The following CASP9 variants were observed in gnomAD, a reference collection of about 807,000 sequenced individuals.
CASP9 encodes caspase-9.
A neutral mutation model predicts 43.5 loss-of-function variants in CASP9; 29 were observed. That is an observed-to-expected ratio of 0.67 (90% CI 0.50 to 0.91). The LOEUF (loss-of-function observed/expected upper bound fraction) is 0.91. CASP9 is among the 40% of genes least tolerant of loss of function. The pLI is 0.00. For synonymous variants in CASP9, 206 were observed against 211.9 expected, an observed-to-expected ratio of 0.97 and a Z score of 0.24; for missense variants, 575 against 537.4, an observed-to-expected ratio of 1.07 and a Z score of -0.69.
At chr1:15,524,519 G>A, upstream of CASP9, 1 of 352,650 alleles carries the variant, frequency 2.8e-6, no homozygotes, top group Non-Finnish European at 3.7e-6. Context: ...CCACGTCACC[G>A]CCCCGCTCCA....
At position 15,506,955 on chromosome 1, in the gene CASP9, G is replaced by C. The variant is rs2308939; in HGVS notation, c.574C>G (p.Arg192Gly). The stretch of plus-strand genomic sequence containing the variant: ...ATGAAATGCAGCGAGGAGAAGCGAC[G>C]CCGCAACTTCTCACAGTCGATGTTG... Reference protein sequence around the residue: ...GSNIDCEKLRRRFSSLHFMVE... With the variant: ...GSNIDCEKLRGRFSSLHFMVE... Residue 192 changes from arginine to glycine, a missense_variant, in exon 4 of 9, where the codon CGT becomes GGT. Transcript: ENST00000333868. 27 of 1,613,994 alleles carry C rather than the reference G, an allele frequency of 1.7e-5. No homozygotes were observed. Among genetic ancestry groups the C allele is most frequent in the Non-Finnish European group, 2.3e-5 (27 of 1,180,018 alleles).
chr1:15,507,259 A>C, intron 3 of CASP9, 184 bp from the exon 4 acceptor site: 1 of 609,814 alleles, frequency 1.6e-6, no homozygotes, highest in Non-Finnish European at 2.9e-6. Flanking sequence ...TGACCCCCCC[A>C]TCTTGGTATT....
At chr1:15,497,935 G>A (rs958574013) in intron 6 of CASP9, among the ~76,000 whole-genome samples, 2 of 152,178 alleles carry the variant, frequency 1.3e-5, no homozygotes, top group Non-Finnish European at 2.9e-5. Context: ...TATGGTACTG[G>A]CATAAAGACA....
At chr1:15,520,266 C>G (rs1234680843) in intron 1 of CASP9, among the ~76,000 whole-genome samples, 27 of 152,140 alleles carry the variant, frequency 1.8e-4, no homozygotes, top group Admixed American at 1.8e-3. Context: ...TTGGGTAGTA[C>G]AACTGAGGAA....
chr1:15,505,463 G>A (rs1459589619), intron 5 of CASP9, among the ~76,000 whole-genome samples: 1 of 152,142 alleles, frequency 6.6e-6, no homozygotes, highest in African/African-American at 2.4e-5. Flanking sequence ...TCAAAACACC[G>A]TGCAGACCAC....
At chr1:15,520,764 C>G (rs1413830641) in intron 1 of CASP9, among the ~76,000 whole-genome samples, 1 of 150,104 alleles carries the variant, frequency 6.7e-6, no homozygotes, top group African/African-American at 2.5e-5. Context: ...CCAGCCTGAC[C>G]AACACGGTGA....
At chr1:15,508,062 G>A (rs1284586311) in intron 2 of CASP9, among the ~76,000 whole-genome samples, 155 bp from the exon 3 acceptor site, 2 of 152,116 alleles carry the variant, frequency 1.3e-5, no homozygotes, top group Non-Finnish European at 2.9e-5. Context: ...TCTGTTTAGA[G>A]GTTTCTAACA....
chr1:15,494,007 G>A lies in CASP9; in HGVS notation c.1049-6C>T, dbSNP rs1708999417. ...GTCCCTCCAGGAAACAAAACCTTTG[G>A]AGGGAGGAGGGCTGAACACTGCTGG... is the stretch of plus-strand genomic sequence containing the variant. On this transcript the variant is annotated splice_polypyrimidine_tract_variant and splice_region_variant and intron_variant, in intron 7 of 8. Coordinates refer to ENST00000333868, the MANE Select transcript of CASP9 (RefSeq NM_001229.5). The A allele has an allele frequency of 6.4e-7, 1 of 1,573,234 alleles. No homozygotes were observed. Among genetic ancestry groups the A allele is most frequent in the African/African-American group, 1.4e-5 (1 of 73,930 alleles).
chr1:15,506,766 G>T, intron 4 of CASP9, 133 bp downstream of exon 4: 1 of 714,944 alleles, frequency 1.4e-6, no homozygotes, highest in Non-Finnish European at 2.3e-6. Context: ...TAGCCGCTGG[G>T]CCGTCCTACC....
chr1:15,511,764 G>C (rs4646028), intron 2 of CASP9, among the ~76,000 whole-genome samples: 1 of 152,292 alleles, frequency 6.6e-6, no homozygotes, highest in Admixed American at 6.5e-5. Context: ...GCTCAGGTCT[G>C]CTGGGAAAAA....
chr1:15,516,708 A>AC (rs144868111), intron 2 of CASP9, among the ~76,000 whole-genome samples: 3,474 of 152,262 alleles, frequency 0.023, 64 homozygotes, highest in Non-Finnish European at 0.034. Flanking sequence ...CCTTTAACAC[A>AC]CAATTCCATT....
At chr1:15,506,763 TG>T in intron 4 of CASP9, 135 bp downstream of exon 4, 1 of 699,538 alleles carries the variant, frequency 1.4e-6, no homozygotes, top group Non-Finnish European at 2.4e-6. Flanking sequence ...CTGTAGCCGC[TG>T]GGCCGTCCTA....
Position 15,507,919 on chromosome 1 carries a change from G to C in CASP9, c.419-12C>G. 1 of 1,614,042 alleles carries C rather than the reference G, an allele frequency of 6.2e-7. No individual in the cohort carries two copies. The highest frequency in any genetic ancestry group is 8.5e-7 in the Non-Finnish European group (1 of 1,179,908). On this transcript the variant is annotated splice_polypyrimidine_tract_variant and intron_variant, in intron 2 of 8. Coordinates refer to ENST00000333868, the MANE Select transcript of CASP9 (RefSeq NM_001229.5). Reference sequence around the variant, plus strand: ...ACTCTCAAGAGCACCTGAAGAGGCAGAGAAAGAGAGAAACATGAATGTTGG... The same window carrying C: ...ACTCTCAAGAGCACCTGAAGAGGCACAGAAAGAGAGAAACATGAATGTTGG...
At chr1:15,524,865 G>T (rs1710391017), upstream of CASP9, 1 of 755,792 alleles carries the variant, frequency 1.3e-6, no homozygotes, top group Non-Finnish European at 1.5e-6. Flanking sequence ...AGCGCCTCGC[G>T]CCGACCCCAG....
chr1:15,493,808 G>C (rs1342873967), intron 8 of CASP9, 84 bp downstream of exon 8: 4 of 1,528,452 alleles, frequency 2.6e-6, no homozygotes, highest in Non-Finnish European at 3.5e-6. Flanking sequence ...GGCCTGCCCT[G>C]CTCACCCCAA....
At position 15,500,826 on chromosome 1, in the gene CASP9, G is replaced by A. The variant is rs551609842; in HGVS notation, c.868+3785C>T. 1.7e-3 allele frequency among the ~76,000 whole-genome samples: 257 copies of A among 151,872 alleles called. 1 individual carries two copies. The highest frequency in any genetic ancestry group is 5.9e-3 in the African/African-American group (243 of 41,410). ...CTAAGTGGGGGATGCCGTTAAGAATGGCCAGAAGAGACAGGGTGAGCAGAG... is the reference window on the plus strand; with the variant it reads ...CTAAGTGGGGGATGCCGTTAAGAATAGCCAGAAGAGACAGGGTGAGCAGAG... On this transcript the variant is annotated intron_variant, in intron 6 of 8. Transcript: ENST00000333868.
At position 15,494,007 on chromosome 1, in the gene CASP9, G is replaced by C; in HGVS notation, c.1049-6C>G. On this transcript the variant is annotated splice_polypyrimidine_tract_variant and splice_region_variant and intron_variant, in intron 7 of 8. Transcript: ENST00000333868. ...GTCCCTCCAGGAAACAAAACCTTTGGAGGGAGGAGGGCTGAACACTGCTGG... is the reference window on the plus strand; with the variant it reads ...GTCCCTCCAGGAAACAAAACCTTTGCAGGGAGGAGGGCTGAACACTGCTGG... The C allele has an allele frequency of 1.3e-6, 2 of 1,573,352 alleles. No homozygotes were observed. Among genetic ancestry groups the C allele is most frequent in the African/African-American group, 1.4e-5 (1 of 74,052 alleles).
intron 1 of CASP9, 97 bp from the exon 2 acceptor site, chr1:15,518,492 T>G: frequency 7.6e-7 from 1 of 1,321,044 alleles, no homozygotes; most frequent in Non-Finnish European, 1.0e-6. Context: ...GTCTAAACAA[T>G]CAGGCACGTG....
intron 2 of CASP9, among the ~76,000 whole-genome samples, chr1:15,509,121 G>A (rs1351215002): frequency 1.3e-5 from 2 of 152,164 alleles, no homozygotes; most frequent in East Asian, 3.8e-4. Flanking sequence ...GCATTTCATT[G>A]CAGAAACAGC....
Sources: allele counts gnomAD v4.1 joint callset (sites outside exome capture counted in the v4.1 genomes callset), GRCh38; gene constraint gnomAD v4.1.1; transcripts MANE v1.5; gene names NCBI Gene and HGNC (gene_info 2026-07-23, HGNC 2026-07-21).